PPP2R2C: variants seen among roughly 807,000 people sequenced by gnomAD.
The protein encoded by PPP2R2C is protein phosphatase 2, regulatory subunit B, gamma.
A neutral mutation model predicts 45.3 loss-of-function variants in PPP2R2C; 10 were observed. The observed-to-expected ratio is 0.22, with a 90% CI of 0.14 to 0.37. The LOEUF (loss-of-function observed/expected upper bound fraction) is 0.37, where lower values mean the gene tolerates loss of function less well. Among genes scored for constraint, PPP2R2C ranks in the 10% least tolerant of loss-of-function variants. PPP2R2C has a pLI of 1.00. For synonymous variants in PPP2R2C, 257 were observed against 245.4 expected, an observed-to-expected ratio of 1.05 and a Z score of -0.44; for missense variants, 308 against 619.7, an observed-to-expected ratio of 0.50 and a Z score of 5.34.
chr4:6,403,916 C>A (rs1717617962), intron 1 of PPP2R2C, among the ~76,000 whole-genome samples: 1 of 151,836 alleles, frequency 6.6e-6, no homozygotes, highest in Non-Finnish European at 1.5e-5. Context: ...CAGGGATACA[C>A]TGTGCCATTT....
chr4:6,375,443 T>C (rs1202273743), intron 4 of PPP2R2C, among the ~76,000 whole-genome samples: 1 of 152,182 alleles, frequency 6.6e-6, no homozygotes, highest in African/African-American at 2.4e-5. Flanking sequence ...ACCCATTCTC[T>C]TTCTGCCTCT....
At chr4:6,379,880 T>C (rs1715640689) in intron 2 of PPP2R2C, among the ~76,000 whole-genome samples, 2 of 152,060 alleles carry the variant, frequency 1.3e-5, no homozygotes, top group Admixed American at 1.3e-4. Flanking sequence ...GATCCTCAGT[T>C]CGTGGGCCAT....
intron 1 of PPP2R2C, 110 bp from the exon 2 acceptor site, chr4:6,381,204 G>C (rs1209835548): frequency 6.5e-7 from 1 of 1,543,446 alleles, no homozygotes; most frequent in Non-Finnish European, 8.7e-7. Flanking sequence ...AGGCCCCACA[G>C]CCCTGGGCAG....
At chr4:6,366,908 G>T (rs546189652) in intron 5 of PPP2R2C, among the ~76,000 whole-genome samples, 2 of 152,132 alleles carry the variant, frequency 1.3e-5, no homozygotes, top group African/African-American at 2.4e-5. Flanking sequence ...AGAGTTTTAA[G>T]GGGGGCTGAC....
chr4:6,438,157 T>C (rs1224476822), intron 1 of PPP2R2C, among the ~76,000 whole-genome samples: 1 of 152,244 alleles, frequency 6.6e-6, no homozygotes, highest in African/African-American at 2.4e-5. Context: ...CTGGTCTGCA[T>C]TTAACAACCC....
intron 1 of PPP2R2C, among the ~76,000 whole-genome samples, chr4:6,447,501 G>A (rs750064322): frequency 1.1e-4 from 16 of 152,070 alleles, no homozygotes; most frequent in Non-Finnish European, 1.9e-4. Flanking sequence ...AGGGCCCAGC[G>A]CCAGGTCTCC....
intron 1 of PPP2R2C, among the ~76,000 whole-genome samples, chr4:6,430,815 C>G (rs1719570875): frequency 6.6e-6 from 1 of 152,124 alleles, no homozygotes; most frequent in African/African-American, 2.4e-5. Context: ...ATCCCAGCTA[C>G]TTGTGAGGCT....
intron 6 of PPP2R2C, among the ~76,000 whole-genome samples, chr4:6,342,896 C>T (rs1241729251): frequency 3.3e-5 from 5 of 151,996 alleles, no homozygotes; most frequent in Non-Finnish European, 7.4e-5. Flanking sequence ...CCTCATCTGT[C>T]CAATGGCAGA....
chr4:6,491,035 T>G (rs1385244556), intron 2 of PPP2R2C, among the ~76,000 whole-genome samples: 1 of 152,138 alleles, frequency 6.6e-6, no homozygotes, highest in African/African-American at 2.4e-5. Flanking sequence ...ACGTAAACCC[T>G]CTGCCACAGC....
At chr4:6,403,303 G>A (rs540362568) in intron 1 of PPP2R2C, among the ~76,000 whole-genome samples, 2 of 152,336 alleles carry the variant, frequency 1.3e-5, no homozygotes, top group East Asian at 1.9e-4. Context: ...TGCTGGGAGC[G>A]GAGCGGAGCC....
intron 6 of PPP2R2C, among the ~76,000 whole-genome samples, chr4:6,337,728 A>C (rs1165039338): frequency 1.3e-5 from 2 of 152,168 alleles, no homozygotes; most frequent in Admixed American, 6.5e-5. Context: ...GAAAAACCGC[A>C]AAGATCAAAG....
intron 1 of PPP2R2C, among the ~76,000 whole-genome samples, chr4:6,404,350 C>T (rs1717646971): frequency 6.6e-6 from 1 of 152,156 alleles, no homozygotes; most frequent in African/African-American, 2.4e-5. Context: ...TCTTCCATGG[C>T]CAAGAAGGCA....
intron 1 of PPP2R2C, among the ~76,000 whole-genome samples, chr4:6,423,638 T>G (rs1719110185): frequency 6.6e-6 from 1 of 152,220 alleles, no homozygotes; most frequent in African/African-American, 2.4e-5. Context: ...TACAGTACTT[T>G]GGAGGAAATG....
At chr4:6,465,656 A>G (rs117396278) in intron 1 of PPP2R2C, among the ~76,000 whole-genome samples, 7 of 108,988 alleles carry the variant, frequency 6.4e-5, no homozygotes, top group Non-Finnish European at 1.0e-4. Context: ...TTCAAATTTA[A>G]AAAAAAAAAA....
At chr4:6,343,324 T>G (rs1158232544) in intron 6 of PPP2R2C, among the ~76,000 whole-genome samples, 1 of 152,248 alleles carries the variant, frequency 6.6e-6, no homozygotes, top group Non-Finnish European at 1.5e-5. Context: ...ATCTTTTTGC[T>G]GGCACGAAAG....
chr4:6,422,718 G>T (rs1719058576), intron 1 of PPP2R2C, among the ~76,000 whole-genome samples: 1 of 152,068 alleles, frequency 6.6e-6, no homozygotes, highest in East Asian at 1.9e-4. Flanking sequence ...TTGGATCAGG[G>T]CCCACCTTAA....
At chr4:6,562,962 CAAAAA>C (rs746793663) in intron 1 of PPP2R2C, among the ~76,000 whole-genome samples, 2 of 83,260 alleles carry the variant, frequency 2.4e-5, no homozygotes, top group African/African-American at 9.2e-5. Context: ...CCCTGCCAGC[CAAAAA>C]AAAAAAAAAA....
Position 6,329,361 on chromosome 4 carries a change from G to A in PPP2R2C, c.961-8C>T, listed in dbSNP as rs1168845352. The A allele has an allele frequency of 1.2e-6, 2 of 1,611,818 alleles. No individual in the cohort carries two copies. The highest frequency in any genetic ancestry group is 2.2e-5 in the South Asian group (2 of 91,034). On this transcript the variant is annotated splice_region_variant and splice_polypyrimidine_tract_variant and intron_variant, in intron 7 of 8. Transcript: ENST00000382599. This position sits in a 1 kb window ranked among gnomAD's most constrained non-coding sequence, Gnocchi z 5.8. ...CCGAAGGTAGTCATGGACCTGGTGG[G>A]ATAAGGGATGAGGTGAGTGGACGGG...
chr4:6,407,644 G>A (rs544767255), intron 1 of PPP2R2C, among the ~76,000 whole-genome samples: 11 of 152,196 alleles, frequency 7.2e-5, no homozygotes, highest in South Asian at 2.1e-4. Flanking sequence ...CAAGTGATCC[G>A]CATACCTCGG....
Sources: gnomAD v4.1 joint callset for allele counts (sites outside exome capture counted in the v4.1 genomes callset) on GRCh38, gnomAD v4.1.1 for gene constraint, Gnocchi (gnomAD v3.1) non-coding constraint, MANE v1.5 for transcripts, NCBI Gene and HGNC (gene_info 2026-07-23, HGNC 2026-07-21) for gene names.